The following TTLL1 variants were observed in gnomAD, a reference collection of about 807,000 sequenced individuals.
The protein encoded by TTLL1 is polyglutamylase complex subunit TTLL1.
TTLL1 carries 33 observed loss-of-function variants against 47.8 expected under a neutral mutation model. The ratio of observed to expected loss-of-function variants is 0.69; its 90% CI spans 0.52 to 0.92. The LOEUF (loss-of-function observed/expected upper bound fraction) is 0.92. Among genes scored for constraint, TTLL1 ranks in the 40% least tolerant of loss-of-function variants. The pLI is 0.00. For synonymous variants in TTLL1, 225 were observed against 214.1 expected (o/e 1.05, Z -0.45); for missense variants, 488 against 547.5 (o/e 0.89, Z 1.08).
intron 6 of TTLL1, 104 bp downstream of exon 6, chr22:43,064,086 A>G: frequency 6.5e-7 from 1 of 1,538,422 alleles, no homozygotes; most frequent in Non-Finnish European, 8.8e-7. Flanking sequence ...CGTGCCAGGC[A>G]CCGCACATGC....
Position 43,069,758 on chromosome 22 carries a change from T to C in TTLL1, c.200A>G (p.Asn67Ser). 6.2e-7 allele frequency: 1 copy of C among 1,614,208 alleles called. No homozygotes were observed. Among genetic ancestry groups the C allele is most frequent in the Non-Finnish European group, 8.5e-7 (1 of 1,180,048 alleles). Residue 67 changes from asparagine to serine, a missense_variant, in exon 4 of 11, where the codon AAC becomes AGC. Physicochemically the swap from Asn to Ser is conservative, Grantham distance 46. Coordinates refer to ENST00000266254, the MANE Select transcript of TTLL1 (RefSeq NM_012263.5). ...SDDQIVNHFP[N>S]HYELTRKDLM... ...GTCCTTCCGGGTCAGTTCATAGTGG[T>C]TTGGAAAATGGTTGACTATTTGGTC...
chr22:43,059,547 C>T lies in TTLL1; in HGVS notation c.748-20G>A. The T allele has an allele frequency of 6.2e-7, 1 of 1,606,456 alleles. No homozygotes were observed. On this transcript the variant is annotated intron_variant, in intron 7 of 10. Transcript: ENST00000266254. ...GTCCTCCTGGTGACGGGAAAGCGGG[C>T]AGGCATCCCTCAGGCTATGCACCCC...
chr22:43,042,978 C>T (rs1249844239), intron 10 of TTLL1, among the ~76,000 whole-genome samples: 23 of 142,180 alleles, frequency 1.6e-4, no homozygotes, highest in Non-Finnish European at 2.7e-4. Flanking sequence ...TTCGCTGTGT[C>T]GCCCAGGCTG....
intron 10 of TTLL1, among the ~76,000 whole-genome samples, chr22:43,046,152 C>T (rs949882710): frequency 6.6e-5 from 10 of 152,084 alleles, no homozygotes; most frequent in South Asian, 4.1e-4. Flanking sequence ...ACCCAGGAGG[C>T]GGAGGTTGCA....
In TTLL1 at chr22:43,051,822, C is replaced by G; in HGVS notation, c.957G>C (p.Lys319Asn). The G allele has an allele frequency of 6.2e-7, 1 of 1,614,040 alleles. No individual in the cohort carries two copies. The highest frequency in any genetic ancestry group is 8.5e-7 in the Non-Finnish European group (1 of 1,180,022). ...TTACCTCGATCAGCCAGGGCTTCAG[C>G]TTGTCGTCGATGATGATGTCGTAGC... is the stretch of plus-strand genomic sequence containing the variant. ...CYGYDIIIDD[K>N]LKPWLIEVNA... is the part of the protein sequence containing the mutation. The change falls in exon 9 of 11, where the codon AAG (lysine) becomes AAC (asparagine). Residue 319 changes from lysine to asparagine, a missense_variant. Physicochemically the swap from Lys to Asn is moderately conservative, Grantham distance 94. Transcript: ENST00000266254.
At chr22:43,051,071 A>G (rs1378225300) in intron 9 of TTLL1, among the ~76,000 whole-genome samples, 6 of 152,242 alleles carry the variant, frequency 3.9e-5, no homozygotes, top group Non-Finnish European at 7.3e-5. Flanking sequence ...TGAAGGGCCC[A>G]AGCCATCCAC....
In TTLL1 at chr22:43,046,388, GCACAGTCACACA is replaced by G; in HGVS notation, c.1142+10_1142+21del. 6 of 1,611,744 alleles carry G rather than the reference GCACAGTCACACA, an allele frequency of 3.7e-6. No individual in the cohort carries two copies. In the African/African-American group the frequency reaches 4.0e-5, roughly 11 times the overall value. ...CATTCGGAAACACAGAAGGACAAGC[GCACAGTCACACA>G]CACACTTACAGAATCTCGTAATTGC... On this transcript the variant is annotated intron_variant, in intron 10 of 10. Transcript: ENST00000266254.
intron 1 of TTLL1, among the ~76,000 whole-genome samples, chr22:43,087,801 G>A (rs1929327816): frequency 8.0e-6 from 1 of 125,592 alleles, no homozygotes; most frequent in Admixed American, 9.1e-5. Flanking sequence ...TCGCACCACT[G>A]CACACTCCAG....
chr22:43,064,386 C>A, intron 5 of TTLL1, 62 bp from the exon 6 acceptor site: 1 of 1,546,138 alleles, frequency 6.5e-7, no homozygotes, highest in Non-Finnish European at 8.8e-7. Flanking sequence ...AGACACAATC[C>A]AAGAAAGGAA....
At chr22:43,087,523 CAAAAAA>C (rs888525930) in intron 1 of TTLL1, among the ~76,000 whole-genome samples, 2 of 83,626 alleles carry the variant, frequency 2.4e-5, no homozygotes, top group African/African-American at 4.6e-5. Context: ...GACTCCATCT[CAAAAAA>C]AAAAAAAAAA....
At chr22:43,081,073 G>A (rs1928854304) in intron 1 of TTLL1, among the ~76,000 whole-genome samples, 1 of 151,516 alleles carries the variant, frequency 6.6e-6, no homozygotes. Flanking sequence ...CCATCACCAC[G>A]CCTGGTTAAT....
chr22:43,062,961 T>A (rs537965888), intron 7 of TTLL1, among the ~76,000 whole-genome samples: 1 of 152,336 alleles, frequency 6.6e-6, no homozygotes, highest in South Asian at 2.1e-4. Flanking sequence ...TATTTTATAA[T>A]AAAGCGTGAA....
At chr22:43,076,500 C>T (rs1206573326) in intron 2 of TTLL1, among the ~76,000 whole-genome samples, 1 of 151,432 alleles carries the variant, frequency 6.6e-6, no homozygotes, top group Non-Finnish European at 1.5e-5. Context: ...GCCTGTAATC[C>T]CAACACTTTG....
At chr22:43,089,110 C>T (rs1013379971) in intron 1 of TTLL1, among the ~76,000 whole-genome samples, 167 bp downstream of exon 1, 2 of 152,204 alleles carry the variant, frequency 1.3e-5, no homozygotes, top group African/African-American at 4.8e-5. Context: ...CGGTGGTTAG[C>T]GCGGGCTTCC....
At position 43,075,494 on chromosome 22, in the gene TTLL1, G is replaced by A. The variant is rs762486116; in HGVS notation, c.93C>T (p.Asn31=). The change falls in exon 3 of 11, where the codon AAC becomes AAT. Residue 31 remains asparagine (N), a synonymous_variant. Transcript: ENST00000266254. The stretch of plus-strand genomic sequence containing the variant: ...CTTACCAGTAAAAATTCCAGTCCTC[G>A]TTTTCTGTCACTTGGACCCATCCTC... The part of the protein sequence containing the change: ...EKRGWVQVTE[N]EDWNFYWMSV... 10 of 1,613,938 alleles carry A rather than the reference G, an allele frequency of 6.2e-6. No individual in the cohort carries two copies. The African/African-American group carries it at 8.0e-5, about 13-fold the overall frequency.
chr22:43,040,555 C>T (rs1925590480), intron 10 of TTLL1, among the ~76,000 whole-genome samples: 1 of 152,162 alleles, frequency 6.6e-6, no homozygotes, highest in Admixed American at 6.5e-5. Context: ...AAGCGATTCT[C>T]CTGCCTCAGC....
At chr22:43,082,408 G>C (rs1028574707) in intron 1 of TTLL1, among the ~76,000 whole-genome samples, 4 of 151,918 alleles carry the variant, frequency 2.6e-5, no homozygotes, top group African/African-American at 9.7e-5. Flanking sequence ...AAAATCTTTT[G>C]GAAAAAAAAT....
Position 43,051,805 on chromosome 22 carries a change from A to G in TTLL1, c.974T>C (p.Ile325Thr). The G allele has an allele frequency of 6.2e-7, 1 of 1,613,986 alleles. No individual in the cohort carries two copies. Among genetic ancestry groups the G allele is most frequent in the African/African-American group, 1.3e-5 (1 of 74,994 alleles). ...TGCAGGTGCTCCCGCAGTTACCTCGATCAGCCAGGGCTTCAGCTTGTCGTC... is the reference window on the plus strand; with the variant it reads ...TGCAGGTGCTCCCGCAGTTACCTCGGTCAGCCAGGGCTTCAGCTTGTCGTC... ...IIDDKLKPWLIEVNASPSLTS... is the reference protein window; with the variant it reads ...IIDDKLKPWLTEVNASPSLTS... The change falls in exon 9 of 11, where the codon ATC (isoleucine) becomes ACC (threonine). Residue 325 changes from isoleucine (I) to threonine (T), a missense_variant. By Grantham distance (89) the Ile-to-Thr change is moderately conservative (BLOSUM62 -1). Transcript: ENST00000266254.
intron 3 of TTLL1, among the ~76,000 whole-genome samples, chr22:43,071,072 C>G (rs1370795618): frequency 6.6e-6 from 1 of 151,946 alleles, no homozygotes; most frequent in African/African-American, 2.4e-5. Context: ...GCCACCGTGT[C>G]CTGCTAAATT....
Sources: allele counts gnomAD v4.1 joint callset (sites outside exome capture counted in the v4.1 genomes callset), GRCh38; gene constraint gnomAD v4.1.1; transcripts MANE v1.5; gene names NCBI Gene and HGNC (gene_info 2026-07-23, HGNC 2026-07-21).